GRIK3: variants seen among roughly 807,000 people sequenced by gnomAD.
The protein encoded by GRIK3 is glutamate ionotropic receptor kainate type subunit 3, also known as glutamate receptor ionotropic, kainate 3.
Under a neutral mutation model 102.5 loss-of-function variants are expected in GRIK3, and 29 were observed. The observed-to-expected ratio is 0.28, with a 90% CI of 0.21 to 0.39. The LOEUF is 0.39. Among genes scored for constraint, GRIK3 ranks in the 10% least tolerant of loss-of-function variants. GRIK3 has a pLI of 1.00. For missense variants in GRIK3, 908 were observed against 1,252.4 expected (o/e 0.73, Z 4.15); for synonymous variants, 511 against 504.9 (o/e 1.01, Z -0.16).
At chr1:37,004,124 C>A (rs897244337) in intron 1 of GRIK3, among the ~76,000 whole-genome samples, 1 of 152,098 alleles carries the variant, frequency 6.6e-6, no homozygotes. Context: ...CTAAAAAAAA[C>A]CCCACACATC....
intron 1 of GRIK3, among the ~76,000 whole-genome samples, chr1:36,952,835 G>A (rs1209771680): frequency 6.6e-6 from 1 of 152,192 alleles, no homozygotes; most frequent in Non-Finnish European, 1.5e-5. Context: ...TTCAGGGAAG[G>A]GTTCTTCAAG....
intron 1 of GRIK3, among the ~76,000 whole-genome samples, chr1:36,959,620 A>T (rs1418765722): frequency 1.2e-5 from 1 of 85,260 alleles, no homozygotes; most frequent in Non-Finnish European, 2.5e-5. Flanking sequence ...TGTGCCCCGT[A>T]ACTCTGTGCC....
At chr1:36,855,618 C>T (rs1188219566) in intron 7 of GRIK3, among the ~76,000 whole-genome samples, 1 of 152,240 alleles carries the variant, frequency 6.6e-6, no homozygotes, top group Non-Finnish European at 1.5e-5. Context: ...TTACCTACTT[C>T]ACAGGTATAA....
At chr1:36,811,167 C>T (rs1642557355) in intron 13 of GRIK3, among the ~76,000 whole-genome samples, 2 of 151,790 alleles carry the variant, frequency 1.3e-5, no homozygotes, top group Non-Finnish European at 2.9e-5. Context: ...CCCTAAGGCT[C>T]CATAGGTGGC....
chr1:36,837,439 C>T (rs982550417), intron 10 of GRIK3, among the ~76,000 whole-genome samples: 3 of 152,078 alleles, frequency 2.0e-5, no homozygotes, highest in Non-Finnish European at 2.9e-5. Context: ...TCCAACCAAT[C>T]GGGAGCCTCA....
chr1:36,808,465 C>G (rs2124180235), intron 13 of GRIK3, among the ~76,000 whole-genome samples: 1 of 152,344 alleles, frequency 6.6e-6, no homozygotes, highest in Admixed American at 6.5e-5. Context: ...TCGTCTCACT[C>G]TGATGGAAGC....
At chr1:37,028,644 G>A (rs1642789100) in intron 1 of GRIK3, among the ~76,000 whole-genome samples, 1 of 152,202 alleles carries the variant, frequency 6.6e-6, no homozygotes, top group South Asian at 2.1e-4. Context: ...AGAATGGGGA[G>A]TGGGGGTAGG....
In GRIK3 at chr1:36,817,244, C is replaced by T. The variant is rs1642642228; in HGVS notation, c.1907G>A (p.Arg636His). The part of the protein sequence containing the change: ...SELMPKALST[R>H]IIGGIWWFFT... The stretch of plus-strand genomic sequence containing the variant: ...GAACCACCAGATGCCACCAATGATG[C>T]GTGTGGACAGGGCTTTGGGCATCAG... The change falls in exon 13 of 16, where the codon CGC (arginine) becomes CAC (histidine). Residue 636 changes from arginine to histidine, a missense_variant. By Grantham distance (29) the Arg-to-His change is conservative (BLOSUM62 0). Transcript: ENST00000373091. 3 of 1,613,408 alleles carry T rather than the reference C, an allele frequency of 1.9e-6. No homozygotes were observed. Among genetic ancestry groups the T allele is most frequent in the Non-Finnish European group, 2.5e-6 (3 of 1,179,362 alleles).
At position 36,806,106 on chromosome 1, in the gene GRIK3, A is replaced by T. The variant is rs1388899333; in HGVS notation, c.2312T>A (p.Met771Lys). 6.2e-7 allele frequency: 1 copy of T among 1,609,568 alleles called. No homozygotes were observed. Among genetic ancestry groups the T allele is most frequent in the Non-Finnish European group, 8.5e-7 (1 of 1,176,744 alleles). ...DSKGYGIGTP[M>K]GSPYRDKITI... The stretch of plus-strand genomic sequence containing the variant: ...CCCACAGGCAGCCCCTCGCTCACCC[A>T]TGGGCGTGCCGATGCCGTAGCCCTT... The change falls in exon 14 of 16, where the codon ATG becomes AAG. Residue 771 changes from methionine to lysine, a missense_variant and splice_region_variant. Met to Lys is a moderately conservative substitution (Grantham distance 95, BLOSUM62 -1). Around this residue, in one of 3 missense-constraint regions of GRIK3, gnomAD observed 297 missense variants for 362.7 expected, o/e 0.82. Coordinates refer to ENST00000373091, the MANE Select transcript of GRIK3 (RefSeq NM_000831.4). The surrounding 1 kb of genome is among the most constrained non-coding windows in gnomAD (Gnocchi z 4.0).
Position 36,824,424 on chromosome 1 carries a change from T to C in GRIK3, c.1754+1179A>G, listed in dbSNP as rs185426611. 6.1e-3 allele frequency among the ~76,000 whole-genome samples: 934 copies of C among 152,162 alleles called. 11 individuals carry two copies. Among genetic ancestry groups the C allele is most frequent in the African/African-American group, 0.018 (732 of 41,514 alleles). On this transcript the variant is annotated intron_variant, in intron 11 of 15. Coordinates refer to ENST00000373091, the MANE Select transcript of GRIK3 (RefSeq NM_000831.4). ...CGGCTGCTGCGCCCACCAGGCAGGG[T>C]GGCCATGGCAGCTTCAGGCCTCTGG...
intron 1 of GRIK3, among the ~76,000 whole-genome samples, chr1:36,946,916 G>A (rs1043162839): frequency 2.6e-5 from 4 of 152,096 alleles, no homozygotes; most frequent in African/African-American, 9.7e-5. Context: ...TACCCTCTAC[G>A]GATCACTGGC....
At chr1:36,924,564 G>C (rs1232939512) in intron 1 of GRIK3, among the ~76,000 whole-genome samples, 1 of 152,192 alleles carries the variant, frequency 6.6e-6, no homozygotes, top group East Asian at 1.9e-4. Context: ...TACCCGGTTG[G>C]GGGAGTAGGA....
At chr1:36,823,471 TCAAAA>T (rs1318227742) in intron 11 of GRIK3, among the ~76,000 whole-genome samples, 1 of 34,196 alleles carries the variant, frequency 2.9e-5, no homozygotes, top group Non-Finnish European at 4.9e-5. Flanking sequence ...AGACTCCGTC[TCAAAA>T]AAAAAAAAAA....
At chr1:36,932,776 T>C (rs1214346487) in intron 1 of GRIK3, among the ~76,000 whole-genome samples, 4 of 152,238 alleles carry the variant, frequency 2.6e-5, no homozygotes, top group Admixed American at 2.6e-4. Context: ...ACCTGGTTGC[T>C]GTCACAAGTG....
At chr1:36,883,167 C>T (rs1459244683) in intron 2 of GRIK3, among the ~76,000 whole-genome samples, 1 of 152,206 alleles carries the variant, frequency 6.6e-6, no homozygotes, top group Non-Finnish European at 1.5e-5. Flanking sequence ...TAAGTGGAAG[C>T]CTACATACCA....
At chr1:36,818,445 A>G (rs1266340687) in intron 12 of GRIK3, among the ~76,000 whole-genome samples, 3 of 152,198 alleles carry the variant, frequency 2.0e-5, no homozygotes, top group Admixed American at 6.5e-5. Flanking sequence ...CCCCTCCCCA[A>G]CTGGCCACTC....
At chr1:36,953,253 C>T (rs561703645) in intron 1 of GRIK3, among the ~76,000 whole-genome samples, 13 of 152,234 alleles carry the variant, frequency 8.5e-5, no homozygotes, top group South Asian at 4.1e-4. Context: ...CTGGCAAGTG[C>T]GGAGCGTTCC....
At chr1:36,839,479 T>G (rs867502594) in intron 10 of GRIK3, among the ~76,000 whole-genome samples, 1 of 152,044 alleles carries the variant, frequency 6.6e-6, no homozygotes, top group East Asian at 1.9e-4. Flanking sequence ...GTTAGGAAAG[T>G]GCAGCTCAGA....
Position 36,867,763 on chromosome 1 carries a change from C to G in GRIK3, c.786+1985G>C, listed in dbSNP as rs538210034. Among the ~76,000 whole-genome samples, 21 of 152,268 alleles carry G rather than the reference C, an allele frequency of 1.4e-4. No individual in the cohort carries two copies. In the East Asian group the frequency reaches 4.1e-3, roughly 29 times the overall value. ...CTCCTTCACCCACCCTGAGTACTGCCCTCGCCACCCACTCTGTCTGCACAG... is the reference window on the plus strand; with the variant it reads ...CTCCTTCACCCACCCTGAGTACTGCGCTCGCCACCCACTCTGTCTGCACAG... On this transcript the variant is annotated intron_variant, in intron 5 of 15. Transcript: ENST00000373091.
Sources: gnomAD v4.1 joint callset for allele counts (sites outside exome capture counted in the v4.1 genomes callset) on GRCh38, gnomAD v4.1.1 for gene constraint, gnomAD v4.1.1 regional missense constraint, Gnocchi (gnomAD v3.1) non-coding constraint, MANE v1.5 for transcripts, NCBI Gene and HGNC (gene_info 2026-07-23, HGNC 2026-07-21) for gene names.